PRKX: variants seen among roughly 807,000 people sequenced by gnomAD.
PRKX encodes protein kinase cAMP-dependent X-linked catalytic subunit, also known as cAMP-dependent protein kinase catalytic subunit PRKX.
Under a neutral mutation model 22.0 loss-of-function variants are expected in PRKX, and 12 were observed. The observed-to-expected ratio is 0.54, with a 90% CI of 0.35 to 0.88. The LOEUF (loss-of-function observed/expected upper bound fraction) is 0.88, where lower values mean the gene tolerates loss of function less well. Ranked by LOEUF, PRKX falls within the 40% of genes least tolerant of loss-of-function variation. The pLI is 0.01. For missense variants in PRKX, 217 were observed against 308.0 expected (o/e 0.70, Z 2.21); for synonymous variants, 134 against 137.7 (o/e 0.97, Z 0.19).
chrX:3,630,692 T>C (rs1238183620), intron 4 of PRKX, among the ~76,000 whole-genome samples: 1 of 111,244 alleles, frequency 9.0e-6, no homozygotes, highest in African/African-American at 3.3e-5. Context: ...GGCAGATGAG[T>C]GAAAGCGAGC....
intron 1 of PRKX, among the ~76,000 whole-genome samples, chrX:3,675,648 A>G (rs1927937719): frequency 9.5e-6 from 1 of 105,659 alleles, no homozygotes; most frequent in Non-Finnish European, 2.0e-5. Flanking sequence ...AAAGAAAATC[A>G]AAATCTCTAA....
chrX:3,712,036 C>A (rs1928801545), intron 1 of PRKX, among the ~76,000 whole-genome samples: 1 of 111,815 alleles, frequency 8.9e-6, no homozygotes, highest in African/African-American at 3.3e-5. Flanking sequence ...TAAGTCCCCT[C>A]TTCCTCAGCG....
intron 3 of PRKX, among the ~76,000 whole-genome samples, chrX:3,645,374 G>A (rs1227391254): frequency 9.0e-6 from 1 of 111,330 alleles, no homozygotes; most frequent in African/African-American, 3.3e-5. Flanking sequence ...TAATGCCCAC[G>A]CCTTCCGCCA....
At chrX:3,673,382 A>G (rs961803614) in intron 2 of PRKX, among the ~76,000 whole-genome samples, 2 of 111,229 alleles carry the variant, frequency 1.8e-5, no homozygotes, top group African/African-American at 6.6e-5. Flanking sequence ...AGGATGCTGC[A>G]TTGCTGGGGC....
At chrX:3,629,085 T>C (rs1926715971) in intron 4 of PRKX, among the ~76,000 whole-genome samples, 3 of 111,885 alleles carry the variant, frequency 2.7e-5, no homozygotes, top group Non-Finnish European at 5.6e-5. Flanking sequence ...AAGTTTACAG[T>C]GGTGAATACG....
intron 3 of PRKX, among the ~76,000 whole-genome samples, chrX:3,652,264 A>G (rs759601849): frequency 9.0e-6 from 1 of 110,884 alleles, no homozygotes; most frequent in Admixed American, 9.6e-5. Context: ...TAAAAATACA[A>G]AAAATTAGCC....
intron 6 of PRKX, among the ~76,000 whole-genome samples, chrX:3,619,183 C>G (rs1268695345): frequency 1.8e-5 from 2 of 112,107 alleles, no homozygotes; most frequent in East Asian, 5.6e-4. Context: ...GGCCCTAAAT[C>G]CAGTGACAGG....
At chrX:3,709,978 G>A (rs1050259427) in intron 1 of PRKX, among the ~76,000 whole-genome samples, 6 of 108,910 alleles carry the variant, frequency 5.5e-5, no homozygotes, top group Admixed American at 2.0e-4. Context: ...TAAGAGATGA[G>A]GGTCTCACTA....
chrX:3,711,982 C>A (rs760893071), intron 1 of PRKX, among the ~76,000 whole-genome samples: 3 of 111,775 alleles, frequency 2.7e-5, no homozygotes, highest in Non-Finnish European at 5.7e-5. Context: ...TCCTCGTGGG[C>A]CCTTCCTCAA....
At chrX:3,712,074 G>T (rs185310404) in intron 1 of PRKX, among the ~76,000 whole-genome samples, 1 of 111,664 alleles carries the variant, frequency 9.0e-6, no homozygotes, top group East Asian at 2.8e-4. Context: ...GGCTATGCCC[G>T]CTGGTCTTCC....
intron 2 of PRKX, among the ~76,000 whole-genome samples, chrX:3,660,492 A>G (rs935845895): frequency 6.3e-5 from 7 of 111,425 alleles, no homozygotes; most frequent in Non-Finnish European, 1.3e-4. Context: ...CACACATACA[A>G]ACACACTCTC....
intron 3 of PRKX, among the ~76,000 whole-genome samples, chrX:3,653,889 T>A (rs1454871831): frequency 1.4e-5 from 1 of 69,327 alleles, no homozygotes; most frequent in Non-Finnish European, 2.5e-5. Context: ...GATATATATA[T>A]TATATATATT....
Position 3,713,170 on chromosome X carries a change from G to T in PRKX, c.84C>A (p.Pro28=), listed in dbSNP as rs781485987. Reference sequence around the variant, plus strand: ...GCGCCTCAGGGCTGGGGCAGAGCGCGGGCGCCCCGTCGGGGGTCTCCTCCG... The same window carrying T: ...GCGCCTCAGGGCTGGGGCAGAGCGCTGGCGCCCCGTCGGGGGTCTCCTCCG... ...KVAEETPDGA[P]ALCPSPEALS... is the part of the protein sequence containing the mutation. The change falls in exon 1 of 9, where the codon CCC becomes CCA. Residue 28 remains proline (P), a synonymous_variant. Transcript: ENST00000262848. 11 of 1,124,747 alleles carry T rather than the reference G, an allele frequency of 9.8e-6. 1 individual carries two copies. The South Asian group carries it at 2.2e-4, about 23-fold the overall frequency. 92.7% of individuals were successfully genotyped at this position (1,124,747 alleles called of 1,213,427 possible).
intron 1 of PRKX, among the ~76,000 whole-genome samples, chrX:3,694,078 G>GA (rs1332042098): frequency 3.6e-5 from 4 of 109,658 alleles, no homozygotes; most frequent in Non-Finnish European, 7.6e-5. Flanking sequence ...GACAGAAGAG[G>GA]AAAAAAGAGT....
chrX:3,628,893 A>G (rs1603473372), intron 4 of PRKX, among the ~76,000 whole-genome samples: 1 of 110,778 alleles, frequency 9.0e-6, no homozygotes, highest in Non-Finnish European at 1.9e-5. Context: ...TACAAAAATT[A>G]GCTGGGCATG....
chrX:3,677,849 G>A (rs1401949401), intron 1 of PRKX, among the ~76,000 whole-genome samples: 1 of 111,909 alleles, frequency 8.9e-6, no homozygotes, highest in Non-Finnish European at 1.9e-5. Flanking sequence ...GTGTAAGAAG[G>A]AAACAATGTC....
At chrX:3,687,848 G>T (rs1352549309) in intron 1 of PRKX, among the ~76,000 whole-genome samples, 1 of 111,877 alleles carries the variant, frequency 8.9e-6, no homozygotes, top group Non-Finnish European at 1.9e-5. Context: ...TGGCTCCGCT[G>T]AGACACCAAG....
rs190681619 is a variant in PRKX at position 3,693,426 on chromosome X, T to C, written c.167-18660A>G. Among the ~76,000 whole-genome samples, 288 of 111,249 alleles carry C rather than the reference T, an allele frequency of 2.6e-3. 2 individuals carry two copies. Among genetic ancestry groups the C allele is most frequent in the African/African-American group, 8.9e-3 (272 of 30,638 alleles). On this transcript the variant is annotated intron_variant, in intron 1 of 8. Transcript: ENST00000262848. ...GGTGGAGATGATCACAGCTTAGGGT[T>C]TGGGCATCTACGCAGTGAGTGCTGC...
intron 1 of PRKX, among the ~76,000 whole-genome samples, 166 bp from the exon 2 acceptor site, chrX:3,674,932 T>C (rs200666849): frequency 9.0e-6 from 1 of 111,119 alleles, no homozygotes; most frequent in East Asian, 2.8e-4. Flanking sequence ...TGGCATTTAG[T>C]GAGAGGCGCT....
Sources: allele counts gnomAD v4.1 joint callset (sites outside exome capture counted in the v4.1 genomes callset), GRCh38; gene constraint gnomAD v4.1.1; transcripts MANE v1.5; gene names NCBI Gene and HGNC (gene_info 2026-07-23, HGNC 2026-07-21).